Variants in PCDHA10 observed in about 807,000 individuals in gnomAD.
PCDHA10 encodes the protein protocadherin alpha 10.
In PCDHA10, 45 loss-of-function variants were observed where a neutral mutation model predicts 61.2. That is an observed-to-expected ratio of 0.74 (90% CI 0.58 to 0.94). The LOEUF (loss-of-function observed/expected upper bound fraction) is 0.94. Among genes scored for constraint, PCDHA10 ranks in the 40% least tolerant of loss-of-function variants. The pLI is 0.00. For synonymous variants in PCDHA10, 602 were observed against 548.8 expected (o/e 1.10, Z -1.35); for missense variants, 1,278 against 1,236.2 (o/e 1.03, Z -0.51).
intron 1 of PCDHA10, chr5:140,883,426 C>T: frequency 6.2e-7 from 1 of 1,614,196 alleles, no homozygotes; most frequent in Non-Finnish European, 8.5e-7. Context: ...GACAGGTCAC[C>T]TGCACCTTGA....
intron 1 of PCDHA10, among the ~76,000 whole-genome samples, chr5:140,974,524 T>C (rs976398044): frequency 5.9e-5 from 9 of 152,210 alleles, no homozygotes; most frequent in African/African-American, 9.7e-5. Flanking sequence ...TATTTTAGTT[T>C]TTTTGAGACG....
intron 3 of PCDHA10, among the ~76,000 whole-genome samples, chr5:140,988,469 G>A (rs2097299168): frequency 6.6e-6 from 1 of 152,150 alleles, no homozygotes; most frequent in Admixed American, 6.5e-5. Flanking sequence ...GGTGTGGGAA[G>A]GGGAATTAGC....
intron 1 of PCDHA10, among the ~76,000 whole-genome samples, chr5:140,976,972 C>T (rs969505831): frequency 2.6e-5 from 4 of 152,182 alleles, no homozygotes; most frequent in Non-Finnish European, 5.9e-5. Flanking sequence ...TTCCTTTTCC[C>T]TGCCTGATCT....
intron 1 of PCDHA10, chr5:140,859,405 G>C (rs1222698496): frequency 4.0e-6 from 1 of 250,884 alleles, no homozygotes; most frequent in African/African-American, 2.3e-5. Context: ...ACAGGGTTGG[G>C]TTAGATGATA....
chr5:140,871,103 C>T lies in PCDHA10; in HGVS notation c.2388+12667C>T, dbSNP rs202137231. On this transcript the variant is annotated intron_variant, in intron 1 of 3. Coordinates refer to ENST00000307360, the MANE Select transcript of PCDHA10 (RefSeq NM_018901.4). Reference sequence around the variant, plus strand: ...ACGGCCACGGCCACCGTGCTGGTGTCGTTGGTGGAGAGCGGACAGGCGCCA... The same window carrying T: ...ACGGCCACGGCCACCGTGCTGGTGTTGTTGGTGGAGAGCGGACAGGCGCCA... 4 of 1,613,290 alleles carry T rather than the reference C, an allele frequency of 2.5e-6. No individual in the cohort carries two copies. The Admixed American group carries it at 5.0e-5, about 20-fold the overall frequency.
intron 1 of PCDHA10, chr5:140,867,086 T>G (rs2049743912): frequency 6.6e-6 from 1 of 152,178 alleles, no homozygotes; most frequent in African/African-American, 2.4e-5. Context: ...ACTGTATTGT[T>G]GGAAATTAAC....
intron 1 of PCDHA10, among the ~76,000 whole-genome samples, chr5:140,970,659 T>C (rs1243959173): frequency 4.6e-5 from 7 of 152,238 alleles, no homozygotes; most frequent in Non-Finnish European, 2.9e-5. Context: ...AATTGTTATC[T>C]TTCCAAATAA....
At chr5:140,970,243 T>C (rs1554232347) in intron 1 of PCDHA10, among the ~76,000 whole-genome samples, 1 of 152,252 alleles carries the variant, frequency 6.6e-6, no homozygotes, top group Non-Finnish European at 1.5e-5. Flanking sequence ...TGATTTTCTG[T>C]TGACAGTTTC....
At chr5:140,988,828 A>C (rs1554250455) in intron 3 of PCDHA10, 1 of 152,170 alleles carries the variant, frequency 6.6e-6, no homozygotes, top group Non-Finnish European at 1.5e-5. Flanking sequence ...CCAAACAGAG[A>C]TCACGTGTCT....
At chr5:140,968,508 A>C (rs977964716) in intron 1 of PCDHA10, 1 of 1,613,950 alleles carries the variant, frequency 6.2e-7, no homozygotes, top group African/African-American at 1.3e-5. Context: ...CACATTCTGT[A>C]CCCTACCTCA....
At chr5:140,916,665 G>A (rs1166692195) in intron 1 of PCDHA10, among the ~76,000 whole-genome samples, 2 of 152,184 alleles carry the variant, frequency 1.3e-5, no homozygotes, top group Non-Finnish European at 2.9e-5. Flanking sequence ...CAAGATGCAA[G>A]ACAAAGTCCT....
chr5:140,926,537 T>G, intron 1 of PCDHA10: 10 of 211,562 alleles, frequency 4.7e-5, no homozygotes, highest in Non-Finnish European at 7.4e-5. Flanking sequence ...GCAGCCAGCG[T>G]GGTGGTCGAG....
At chr5:140,884,504 G>C in intron 1 of PCDHA10, 2 of 1,614,180 alleles carry the variant, frequency 1.2e-6, no homozygotes, top group South Asian at 2.2e-5. Flanking sequence ...CAGCGCGGCA[G>C]GGAGTTGGTC....
At chr5:140,979,215 G>A (rs1463069868) in intron 2 of PCDHA10, among the ~76,000 whole-genome samples, 5 of 152,178 alleles carry the variant, frequency 3.3e-5, no homozygotes, top group African/African-American at 4.8e-5. Context: ...TGGCATATAA[G>A]AGTCCTCTGT....
At position 140,857,969 on chromosome 5, in the gene PCDHA10, T is replaced by A; in HGVS notation, c.1921T>A (p.Ser641Thr). Reference sequence around the variant, plus strand: ...GACGCGCGCTCTGGATGAGACTGACTCGCCACGCCAGCGCCTACTGGTGCT... The same window carrying A: ...GACGCGCGCTCTGGATGAGACTGACACGCCACGCCAGCGCCTACTGGTGCT... ...STTRALDETD[S>T]PRQRLLVLVK... Residue 641 changes from serine to threonine, a missense_variant, in exon 1 of 4, where the codon TCG (serine) becomes ACG (threonine). Ser to Thr is a moderately conservative substitution (Grantham distance 58). Transcript: ENST00000307360. 1 of 1,596,804 alleles carries A rather than the reference T, an allele frequency of 6.3e-7. No individual in the cohort carries two copies. Among genetic ancestry groups the A allele is most frequent in the Non-Finnish European group, 8.6e-7 (1 of 1,167,192 alleles).
chr5:140,974,440 C>T (rs782138345), intron 1 of PCDHA10, among the ~76,000 whole-genome samples: 7 of 152,182 alleles, frequency 4.6e-5, no homozygotes, highest in Admixed American at 1.3e-4. Context: ...TGTAAATTAG[C>T]ATTTTAAATG....
intron 3 of PCDHA10, among the ~76,000 whole-genome samples, chr5:140,992,706 G>T (rs1554253120): frequency 1.3e-5 from 2 of 152,138 alleles, no homozygotes; most frequent in Admixed American, 1.3e-4. Context: ...TAATGTTCCT[G>T]CCAGTATTCG....
At position 141,009,660 on chromosome 5, in the gene PCDHA10, G is replaced by C; in HGVS notation, c.2570G>C (p.Gly857Ala). 7 of 1,614,084 alleles carry C rather than the reference G, an allele frequency of 4.3e-6. No homozygotes were observed. Among genetic ancestry groups the C allele is most frequent in the Non-Finnish European group, 5.9e-6 (7 of 1,180,030 alleles). Residue 857 changes from glycine (G) to alanine (A), a missense_variant, in exon 4 of 4, where the codon GGT becomes GCT. Physicochemically the swap from Gly to Ala is moderately conservative, Grantham distance 60 (BLOSUM62 0). Coordinates refer to ENST00000307360, the MANE Select transcript of PCDHA10 (RefSeq NM_018901.4). ...PEAGEVSPPV[G>A]AGVNSNSWTF... ...GCAGGAGAAGTGTCCCCTCCAGTCGGTGCGGGTGTCAACAGCAACAGCTGG... is the reference window on the plus strand; with the variant it reads ...GCAGGAGAAGTGTCCCCTCCAGTCGCTGCGGGTGTCAACAGCAACAGCTGG...
chr5:140,928,994 T>C, intron 1 of PCDHA10: 1 of 1,613,992 alleles, frequency 6.2e-7, no homozygotes. Context: ...TGCTTACTTT[T>C]CTTCGTGTGT....
Sources: allele counts gnomAD v4.1 joint callset (sites outside exome capture counted in the v4.1 genomes callset), GRCh38; gene constraint gnomAD v4.1.1; transcripts MANE v1.5; gene names NCBI Gene and HGNC (gene_info 2026-07-23, HGNC 2026-07-21).